Variants in GALNT13 observed in about 807,000 individuals in gnomAD.
GALNT13 encodes polypeptide N-acetylgalactosaminyltransferase 13.
In GALNT13, 28 loss-of-function variants were observed where a neutral mutation model predicts 64.2. The ratio of observed to expected loss-of-function variants is 0.44; its 90% CI spans 0.32 to 0.60. The LOEUF (loss-of-function observed/expected upper bound fraction) is 0.60. GALNT13 is among the 20% of genes least tolerant of loss of function. GALNT13 has a pLI of 0.05. For missense variants in GALNT13, 577 were observed against 669.8 expected, an observed-to-expected ratio of 0.86 and a Z score of 1.53; for synonymous variants, 214 against 224.6, an observed-to-expected ratio of 0.95 and a Z score of 0.42.
chr2:153,936,967 T>A (rs1041758017), intron 2 of GALNT13, among the ~76,000 whole-genome samples: 2 of 152,134 alleles, frequency 1.3e-5, no homozygotes, highest in Non-Finnish European at 2.9e-5. Flanking sequence ...TCCGCCCACC[T>A]TGGCCTCCCA....
At chr2:154,354,057 C>G (rs913100941) in intron 9 of GALNT13, among the ~76,000 whole-genome samples, 1 of 152,272 alleles carries the variant, frequency 6.6e-6, no homozygotes, top group Admixed American at 6.5e-5. Context: ...TCTCTCTACC[C>G]CCACCACCGT....
intron 3 of GALNT13, among the ~76,000 whole-genome samples, chr2:154,115,098 C>T (rs1401125311): frequency 6.6e-6 from 1 of 152,174 alleles, no homozygotes; most frequent in Non-Finnish European, 1.5e-5. Context: ...CTTCTAGACA[C>T]TCCCAGCCGG....
At chr2:153,866,472 T>C in the GALNT13 span, among the ~76,000 whole-genome samples, 10 of 152,282 alleles carry the variant, frequency 6.6e-5, no homozygotes, top group South Asian at 1.2e-3. Flanking sequence ...GGAGAAAATA[T>C]ATACAAATCA....
chr2:154,224,096 G>C (rs1688462935), intron 4 of GALNT13, among the ~76,000 whole-genome samples: 2 of 151,946 alleles, frequency 1.3e-5, no homozygotes, highest in Admixed American at 6.6e-5. Context: ...AATTATAAAA[G>C]CCCTTTATAA....
At chr2:153,187,313 A>G in the GALNT13 span, 1 of 152,220 alleles carries the variant, frequency 6.6e-6, no homozygotes, top group African/African-American at 2.4e-5. Context: ...TCAGAGTGCT[A>G]GAAAAGCTGG....
At chr2:153,380,296 TA>T in the GALNT13 span, among the ~76,000 whole-genome samples, 2 of 152,150 alleles carry the variant, frequency 1.3e-5, no homozygotes, top group Non-Finnish European at 2.9e-5. Flanking sequence ...GTACTATAAG[TA>T]ATCTAGAGAT....
intron 9 of GALNT13, among the ~76,000 whole-genome samples, chr2:154,346,050 T>C (rs992851773): frequency 6.6e-6 from 1 of 151,976 alleles, no homozygotes; most frequent in Non-Finnish European, 1.5e-5. Flanking sequence ...TCATACAAAG[T>C]ATAGAACCTT....
chr2:153,697,090 C>G, the GALNT13 span, among the ~76,000 whole-genome samples: 1 of 152,168 alleles, frequency 6.6e-6, no homozygotes, highest in Admixed American at 6.5e-5. Flanking sequence ...TGCAGGGCAT[C>G]TGTGATTTCA....
the GALNT13 span, among the ~76,000 whole-genome samples, chr2:153,344,965 G>A: frequency 1.9e-4 from 29 of 152,102 alleles, no homozygotes; most frequent in Non-Finnish European, 3.7e-4. Flanking sequence ...AGAGATATGT[G>A]TTTACAATTA....
At chr2:153,656,711 A>C in the GALNT13 span, among the ~76,000 whole-genome samples, 1 of 152,078 alleles carries the variant, frequency 6.6e-6, no homozygotes, top group Admixed American at 6.6e-5. Context: ...AAGAAATGTC[A>C]AGAAAAAGTT....
intron 2 of GALNT13, among the ~76,000 whole-genome samples, chr2:153,937,804 C>G (rs1046449467): frequency 2.0e-5 from 3 of 152,118 alleles, no homozygotes; most frequent in Non-Finnish European, 4.4e-5. Flanking sequence ...GGTTTATGGC[C>G]AACCTATACC....
chr2:153,221,138 A>G, the GALNT13 span, among the ~76,000 whole-genome samples: 1 of 152,156 alleles, frequency 6.6e-6, no homozygotes, highest in African/African-American at 2.4e-5. Flanking sequence ...GTACCCCTGA[A>G]CTTAAAAGCT....
At chr2:153,515,275 A>G in the GALNT13 span, among the ~76,000 whole-genome samples, 2 of 152,104 alleles carry the variant, frequency 1.3e-5, no homozygotes, top group African/African-American at 2.4e-5. Flanking sequence ...TCCCAGCCCG[A>G]TGACCCCACC....
At chr2:154,178,106 T>C (rs1685755296) in intron 4 of GALNT13, among the ~76,000 whole-genome samples, 1 of 151,984 alleles carries the variant, frequency 6.6e-6, no homozygotes. Context: ...TTACCTGTGA[T>C]TATTGCTGCA....
chr2:153,195,791 A>G, the GALNT13 span, among the ~76,000 whole-genome samples: 40 of 152,228 alleles, frequency 2.6e-4, no homozygotes, highest in Non-Finnish European at 5.1e-4. Context: ...AGAATGAGCT[A>G]TGCAGATATG....
At chr2:154,128,089 G>A (rs1401366194) in intron 3 of GALNT13, among the ~76,000 whole-genome samples, 3 of 151,968 alleles carry the variant, frequency 2.0e-5, no homozygotes, top group African/African-American at 4.8e-5. Flanking sequence ...ACATAAAAAA[G>A]GCCAGGGTAT....
At chr2:153,478,156 A>T in the GALNT13 span, 2 of 1,110,606 alleles carry the variant, frequency 1.8e-6, no homozygotes, top group South Asian at 1.5e-5. Context: ...TGCTTCGCCC[A>T]GTCTCTGATA....
chr2:153,684,943 T>C, the GALNT13 span, among the ~76,000 whole-genome samples: 1 of 151,878 alleles, frequency 6.6e-6, no homozygotes, highest in Non-Finnish European at 1.5e-5. Context: ...CTAAGGATAA[T>C]GGCCTCCAGC....
At chr2:153,384,040 TTAG>T in the GALNT13 span, among the ~76,000 whole-genome samples, 3 of 152,076 alleles carry the variant, frequency 2.0e-5, no homozygotes, top group African/African-American at 7.2e-5. Flanking sequence ...ATGAAAGACT[TTAG>T]ATAGCAAAAA....
Sources: allele counts gnomAD v4.1 joint callset (sites outside exome capture counted in the v4.1 genomes callset), GRCh38; gene constraint gnomAD v4.1.1; transcripts MANE v1.5; gene names NCBI Gene and HGNC (gene_info 2026-07-23, HGNC 2026-07-21).